ZNF384: variants seen among roughly 807,000 people sequenced by gnomAD.
ZNF384 encodes the protein CAG repeat protein 1.
In ZNF384, 20 loss-of-function variants were observed where a neutral mutation model predicts 65.0. That is an observed-to-expected ratio of 0.31 (90% CI 0.22 to 0.45). The LOEUF is 0.45. ZNF384 is among the 20% of genes least tolerant of loss of function. ZNF384 has a pLI of 1.00. For missense variants in ZNF384, 549 were observed against 769.4 expected (o/e 0.71, Z 3.39); for synonymous variants, 310 against 303.9 (o/e 1.02, Z -0.21).
At position 6,679,013 on chromosome 12, in the gene ZNF384, G is replaced by A. The variant is rs754106369; in HGVS notation, c.237C>T (p.His79=). The A allele has an allele frequency of 1.2e-6, 2 of 1,614,118 alleles. No homozygotes were observed. Among genetic ancestry groups the A allele is most frequent in the Non-Finnish European group, 1.7e-6 (2 of 1,180,028 alleles). Reference sequence around the variant, plus strand: ...TATTCTGGGTAACGGACGCTTGGCTGTGTGGGGTCAGCTGGTCTGACTTGG... The same window carrying A: ...TATTCTGGGTAACGGACGCTTGGCTATGTGGGGTCAGCTGGTCTGACTTGG... The part of the protein sequence containing the change: ...TESKSDQLTP[H]SQASVTQNIT... The change falls in exon 4 of 12, where the codon CAC becomes CAT. Residue 79 remains histidine, a synonymous_variant. Transcript: ENST00000683879.
At chr12:6,668,212 G>A (rs1950258566) in intron 11 of ZNF384, 97 bp from the exon 12 acceptor site, 2 of 1,283,676 alleles carry the variant, frequency 1.6e-6, no homozygotes, top group Non-Finnish European at 2.2e-6. Flanking sequence ...TGTAAGCAGA[G>A]TAAGCTTTAT....
chr12:6,680,264 C>T (rs924998769), intron 2 of ZNF384, among the ~76,000 whole-genome samples: 3 of 152,076 alleles, frequency 2.0e-5, no homozygotes, highest in Admixed American at 6.5e-5. Context: ...TGTGCCCAGC[C>T]AATAAAAATT....
In ZNF384 at chr12:6,688,215, C is replaced by G. The variant is rs577611188; in HGVS notation, c.-54G>C. 6.5e-6 allele frequency: 1 copy of G among 152,782 alleles called. No individual in the cohort carries two copies. The highest frequency in any genetic ancestry group is 1.9e-4 in the East Asian group (1 of 5,188). The allele number at this position is 152,782 out of a possible 1,614,324, so 9.5% of individuals were successfully genotyped here. On this transcript the variant is annotated 5_prime_UTR_variant, in exon 2 of 12. Transcript: ENST00000683879. ...GTCTTATTCCTTCTCCTTTCCAGGG[C>G]TCCTGAACTTTCTGTAAACAAATTG...
chr12:6,685,211 T>C (rs1206423852), intron 2 of ZNF384, among the ~76,000 whole-genome samples: 5 of 151,476 alleles, frequency 3.3e-5, no homozygotes, highest in African/African-American at 1.2e-4. Flanking sequence ...TAGTCCCAGT[T>C]ACTTGGGAGG....
chr12:6,678,638 C>T lies in ZNF384; in HGVS notation c.352+25G>A. On this transcript the variant is annotated intron_variant, in intron 5 of 11. Transcript: ENST00000683879. This position sits in a 1 kb window ranked among gnomAD's most constrained non-coding sequence, Gnocchi z 4.9. ...AATGGTCTCCTAACCCTTGTCCCCACCCCCCTGGTAACAGTGAGATTTACC... is the reference window on the plus strand; with the variant it reads ...AATGGTCTCCTAACCCTTGTCCCCATCCCCCTGGTAACAGTGAGATTTACC... 2 of 1,610,518 alleles carry T rather than the reference C, an allele frequency of 1.2e-6. No homozygotes were observed. The highest frequency in any genetic ancestry group is 1.1e-5 in the South Asian group (1 of 90,820).
chr12:6,668,896 T>C (rs974470388), intron 11 of ZNF384, 135 bp downstream of exon 11: 6 of 888,674 alleles, frequency 6.8e-6, no homozygotes, highest in Non-Finnish European at 9.7e-6. Flanking sequence ...AATTTCTGAA[T>C]ATTTACCTGT....
rs1954471427 is a variant in ZNF384 at position 6,678,181 on chromosome 12, T to C, written c.632A>G (p.Tyr211Cys). The C allele has an allele frequency of 6.2e-7, 1 of 1,614,006 alleles. No individual in the cohort carries two copies. The highest frequency in any genetic ancestry group is 8.5e-7 in the Non-Finnish European group (1 of 1,180,032). Residue 211 changes from tyrosine (Y) to cysteine (C), a missense_variant, in exon 6 of 12, where the codon TAT becomes TGT. This residue lies in a region of ZNF384 where 277 missense variants were observed against 337.2 expected (regional missense o/e 0.82). Coordinates refer to ENST00000683879, the MANE Select transcript of ZNF384 (RefSeq NM_001385745.1). The surrounding 1 kb of genome is among the most constrained non-coding windows in gnomAD (Gnocchi z 4.9). ...ESGLPEMNDP[Y>C]VLSPEDDDDH... is the part of the protein sequence containing the mutation. ...ATCATCATCCTCAGGGGAGAGGACA[T>C]AAGGGTCATTCATCTCGGGCAGCCC... is the stretch of plus-strand genomic sequence containing the variant.
chr12:6,682,311 C>A (rs903545708), intron 2 of ZNF384, among the ~76,000 whole-genome samples: 1 of 146,890 alleles, frequency 6.8e-6, no homozygotes, highest in African/African-American at 2.5e-5. Flanking sequence ...CAGAGCAAGA[C>A]CCCAACTCCA....
At chr12:6,689,551 A>C (rs1420048155), upstream of ZNF384, 1 of 152,290 alleles carries the variant, frequency 6.6e-6, no homozygotes, top group Non-Finnish European at 1.5e-5. Flanking sequence ...GGGCGTGCAG[A>C]AGCCGAGTCA....
In ZNF384 at chr12:6,672,472, C is replaced by A; in HGVS notation, c.1065G>T (p.Lys355Asn). The A allele has an allele frequency of 6.2e-7, 1 of 1,614,118 alleles. No individual in the cohort carries two copies. Among genetic ancestry groups the A allele is most frequent in the Non-Finnish European group, 8.5e-7 (1 of 1,180,004 alleles). Residue 355 changes from lysine to asparagine, a missense_variant, in exon 9 of 12, where the codon AAG (lysine) becomes AAT (asparagine). Coordinates refer to ENST00000683879, the MANE Select transcript of ZNF384 (RefSeq NM_001385745.1). This position sits in a 1 kb window ranked among gnomAD's most constrained non-coding sequence, Gnocchi z 4.4. ...CCAGGTAGGAGGTGTTGGCGAAGGTCTTGGAGCAGTGCGGGCACTTGTGGG... is the reference window on the plus strand; with the variant it reads ...CCAGGTAGGAGGTGTTGGCGAAGGTATTGGAGCAGTGCGGGCACTTGTGGG... ...IKPHKCPHCS[K>N]TFANTSYLAQ... is the part of the protein sequence containing the mutation.
chr12:6,680,107 G>A (rs746838201), intron 2 of ZNF384, among the ~76,000 whole-genome samples: 7 of 152,212 alleles, frequency 4.6e-5, no homozygotes, highest in Non-Finnish European at 8.8e-5. Context: ...CCTACAGGCC[G>A]TGTGACACTA....
chr12:6,672,487 G>A lies in ZNF384; in HGVS notation c.1050C>T (p.Cys350=). The A allele has an allele frequency of 6.2e-7, 1 of 1,614,194 alleles. No individual in the cohort carries two copies. Among genetic ancestry groups the A allele is most frequent in the South Asian group, 1.1e-5 (1 of 91,088 alleles). The change falls in exon 9 of 12, where the codon TGC becomes TGT. Residue 350 remains cysteine, a synonymous_variant. Transcript: ENST00000683879. This position sits in a 1 kb window ranked among gnomAD's most constrained non-coding sequence, Gnocchi z 4.4. ...TGGCGAAGGTCTTGGAGCAGTGCGG[G>A]CACTTGTGGGGCTTGATGGTCTCCG... ...MHTETIKPHK[C]PHCSKTFANT...
intron 10 of ZNF384, 151 bp downstream of exon 10, chr12:6,670,609 G>C (rs1259166004): frequency 4.4e-5 from 29 of 665,174 alleles, no homozygotes; most frequent in Non-Finnish European, 7.7e-5. Flanking sequence ...CGTCTATGTA[G>C]ACAGCTATTA....
Position 6,667,577 on chromosome 12 carries a change from A to C in ZNF384, c.*137T>G. ...TCAGAAAAAGGATGGTATCCTGTGA[A>C]GGAAAGCCGTGACAGAGGCCCAAGG... On this transcript the variant is annotated 3_prime_UTR_variant, in exon 12 of 12. Transcript: ENST00000683879. 1 of 1,131,110 alleles carries C rather than the reference A, an allele frequency of 8.8e-7. No homozygotes were observed. Among genetic ancestry groups the C allele is most frequent in the Non-Finnish European group, 1.3e-6 (1 of 751,850 alleles). The allele number at this position is 1,131,110 out of a possible 1,614,324, so 70.1% of individuals were successfully genotyped here. A position where few individuals can be genotyped will look rare whatever the true frequency, so the allele number is the denominator to read the frequency against.
chr12:6,670,123 G>C (rs1950963088), intron 10 of ZNF384, among the ~76,000 whole-genome samples: 1 of 152,162 alleles, frequency 6.6e-6, no homozygotes, highest in African/African-American at 2.4e-5. Context: ...TCATCTTCTA[G>C]CTTAAGACAT....
chr12:6,680,974 T>C (rs895609345), intron 2 of ZNF384, among the ~76,000 whole-genome samples: 1 of 152,124 alleles, frequency 6.6e-6, no homozygotes, highest in Non-Finnish European at 1.5e-5. Context: ...CCTAGCACTT[T>C]GGGAGGCCAA....
intron 2 of ZNF384, 68 bp from the exon 3 acceptor site, chr12:6,679,593 G>A (rs942239223): frequency 1.5e-6 from 2 of 1,300,998 alleles, no homozygotes; most frequent in Non-Finnish European, 2.2e-6. Context: ...AATGGAGAAG[G>A]GGAACTGAAG....
At position 6,673,461 on chromosome 12, in the gene ZNF384, G is replaced by C; in HGVS notation, c.780-21C>G. The C allele has an allele frequency of 6.2e-7, 1 of 1,608,748 alleles. No homozygotes were observed. Among genetic ancestry groups the C allele is most frequent in the Non-Finnish European group, 8.5e-7 (1 of 1,176,160 alleles). ...GGCACCTGAGCCAAGTGAGGGCAAT[G>C]GTTAGAACCCTTCCCATCAAGAAGG... On this transcript the variant is annotated intron_variant, in intron 7 of 11. Transcript: ENST00000683879. The surrounding 1 kb of genome is among the most constrained non-coding windows in gnomAD (Gnocchi z 4.7).
At chr12:6,669,938 G>A (rs903665624) in intron 10 of ZNF384, among the ~76,000 whole-genome samples, 3 of 138,460 alleles carry the variant, frequency 2.2e-5, no homozygotes, top group Non-Finnish European at 5.0e-5. Context: ...GCACACGCGC[G>A]CGCGCACACA....
Sources: gnomAD v4.1 joint callset for allele counts (sites outside exome capture counted in the v4.1 genomes callset) on GRCh38, gnomAD v4.1.1 for gene constraint, gnomAD v4.1.1 regional missense constraint, Gnocchi (gnomAD v3.1) non-coding constraint, MANE v1.5 for transcripts, NCBI Gene and HGNC (gene_info 2026-07-23, HGNC 2026-07-21) for gene names.